Variants in COL4A2 observed in about 807,000 individuals in gnomAD.
The protein encoded by COL4A2 is collagen alpha-2(IV) chain.
Under a neutral mutation model 200.2 loss-of-function variants are expected in COL4A2, and 99 were observed. The ratio of observed to expected loss-of-function variants is 0.49; its 90% CI spans 0.42 to 0.58. The LOEUF (loss-of-function observed/expected upper bound fraction) is 0.58, where lower values mean the gene tolerates loss of function less well. Among genes scored for constraint, COL4A2 ranks in the 20% least tolerant of loss-of-function variants. The pLI, the probability that COL4A2 is intolerant of heterozygous loss-of-function variation, is 0.00. For synonymous variants in COL4A2, 897 were observed against 900.6 expected (o/e 1.00, Z 0.07); for missense variants, 1,950 against 2,314.1 (o/e 0.84, Z 3.23).
At chr13:110,503,817 T>C in intron 43 of COL4A2, 30 bp from the exon 44 acceptor site, 1 of 1,613,666 alleles carries the variant, frequency 6.2e-7, no homozygotes, top group Non-Finnish European at 8.5e-7. Context: ...ACCTTGTGTG[T>C]TTACTGGGGC....
intron 4 of COL4A2, among the ~76,000 whole-genome samples, chr13:110,369,412 T>C (rs4773172): frequency 0.99 from 151,280 of 152,258 alleles, 75,163 homozygotes; most frequent in South Asian, 1. Flanking sequence ...CCAGTAAGTA[T>C]GTGCAGATAT....
In COL4A2 at chr13:110,323,260, C is replaced by A. The variant is rs140014080; in HGVS notation, c.99+15137C>A. On this transcript the variant is annotated intron_variant, in intron 3 of 47. Transcript: ENST00000360467. ...TTCCTATGACTGGACATCAGAGGCC[C>A]ACTGGTGACTCTGGAATTTCTGTTG... is the stretch of plus-strand genomic sequence containing the variant. Among the ~76,000 whole-genome samples the A allele has an allele frequency of 4.6e-5, 7 of 152,266 alleles. No individual in the cohort carries two copies. In the East Asian group the frequency reaches 1.4e-3, roughly 29 times the overall value.
intron 4 of COL4A2, among the ~76,000 whole-genome samples, chr13:110,420,543 G>A (rs1179830984): frequency 2.6e-5 from 4 of 152,138 alleles, no homozygotes; most frequent in Non-Finnish European, 2.9e-5. Flanking sequence ...AAATTTAGGA[G>A]CTTTTGAGAT....
rs1251540760 is a variant in COL4A2 at position 110,385,902 on chromosome 13, G to A, written c.180+28350G>A. On this transcript the variant is annotated intron_variant, in intron 4 of 47. Transcript: ENST00000360467. Reference sequence around the variant, plus strand: ...CGTGGTTACAGCGTGTGGATAGGCCGTGGTTACAGCGTGTGGATGGGCCGT... The same window carrying A: ...CGTGGTTACAGCGTGTGGATAGGCCATGGTTACAGCGTGTGGATGGGCCGT... 9.2e-5 allele frequency among the ~76,000 whole-genome samples: 11 copies of A among 119,400 alleles called. 2 individuals carry two copies. Among genetic ancestry groups the A allele is most frequent in the Admixed American group, 2.7e-4 (3 of 11,196 alleles). The allele number at this position is 119,400 out of a possible 152,430, so 78.3% of individuals were successfully genotyped here.
At chr13:110,486,281 G>C (rs1207793222) in intron 34 of COL4A2, among the ~76,000 whole-genome samples, 2 of 152,166 alleles carry the variant, frequency 1.3e-5, no homozygotes, top group Non-Finnish European at 2.9e-5. Flanking sequence ...TTGAGCACTT[G>C]ACATGGGCCA....
rs867577732 is a variant in COL4A2 at position 110,450,199 on chromosome 13, G to T, written c.1190-106G>T. 4 of 906,396 alleles carry T rather than the reference G, an allele frequency of 4.4e-6. No individual in the cohort carries two copies. The Admixed American group carries it at 6.5e-5, about 15-fold the overall frequency. The allele number at this position is 906,396 out of a possible 1,614,324, so 56.1% of individuals were successfully genotyped here. Reference sequence around the variant, plus strand: ...TCTACCCATCGGAGTTATTGACGGGGCCATGAAGCCCGCTAGTGCCCCAGT... The same window carrying T: ...TCTACCCATCGGAGTTATTGACGGGTCCATGAAGCCCGCTAGTGCCCCAGT... On this transcript the variant is annotated intron_variant, in intron 19 of 47. Coordinates refer to ENST00000360467, the MANE Select transcript of COL4A2 (RefSeq NM_001846.4).
At chr13:110,457,583 T>C (rs1233818422) in intron 21 of COL4A2, 148 bp downstream of exon 21, 1 of 706,158 alleles carries the variant, frequency 1.4e-6, no homozygotes, top group East Asian at 2.8e-5. Flanking sequence ...CCCTTGGCGG[T>C]GGCACTGAGA....
chr13:110,446,991 T>TA lies in COL4A2; in HGVS notation c.1078+135dup, dbSNP rs35275552. ...CCTAAAACTTAAAGTATAATAATAA[T>TA]AAAAAAAATAAAAAATAAACCACGA... is the stretch of plus-strand genomic sequence containing the variant. On this transcript the variant is annotated intron_variant, in intron 18 of 47. Coordinates refer to ENST00000360467, the MANE Select transcript of COL4A2 (RefSeq NM_001846.4). 331,309 of 484,746 alleles carry TA rather than the reference T, an allele frequency of 0.68. 115,189 individuals carry two copies. Among genetic ancestry groups the TA allele is most frequent in the Non-Finnish European group, 0.73 (220,850 of 304,558 alleles). The allele number at this position is 484,746 out of a possible 1,614,324, so 30.0% of individuals were successfully genotyped here.
chr13:110,323,403 C>G (rs1885325859), intron 3 of COL4A2, among the ~76,000 whole-genome samples: 1 of 152,218 alleles, frequency 6.6e-6, no homozygotes, highest in African/African-American at 2.4e-5. Flanking sequence ...AGGGCCCCCC[C>G]TGTGGAAGCT....
rs560095887 is a variant in COL4A2 at position 110,479,040 on chromosome 13, G to C, written c.2587+876G>C. On this transcript the variant is annotated intron_variant, in intron 30 of 47. Coordinates refer to ENST00000360467, the MANE Select transcript of COL4A2 (RefSeq NM_001846.4). ...CCTCGCCTGTGTCCAAGAGCTGGGGGCTGGACTCAGGTAGGGCCCGCTCCC... is the reference window on the plus strand; with the variant it reads ...CCTCGCCTGTGTCCAAGAGCTGGGGCCTGGACTCAGGTAGGGCCCGCTCCC... Among the ~76,000 whole-genome samples, 13 of 152,320 alleles carry C rather than the reference G, an allele frequency of 8.5e-5. No homozygotes were observed. The South Asian group carries it at 1.5e-3, about 17-fold the overall frequency.
intron 12 of COL4A2, among the ~76,000 whole-genome samples, chr13:110,435,216 A>G (rs9515212): frequency 0.35 from 53,683 of 152,128 alleles, 9,911 homozygotes; most frequent in Non-Finnish European, 0.42. Flanking sequence ...GACAATTAGC[A>G]AGCAGTGGGC....
intron 4 of COL4A2, among the ~76,000 whole-genome samples, chr13:110,362,370 G>T (rs1877555068): frequency 6.6e-6 from 1 of 152,118 alleles, no homozygotes; most frequent in Non-Finnish European, 1.5e-5. Context: ...CACCAAACAA[G>T]GTGCCCGCCC....
chr13:110,340,802 G>T (rs139739723), intron 3 of COL4A2, among the ~76,000 whole-genome samples: 1 of 152,252 alleles, frequency 6.6e-6, no homozygotes, highest in Non-Finnish European at 1.5e-5. Context: ...CTTGCTTCAG[G>T]CTCTGCATGT....
At position 110,308,127 on chromosome 13, in the gene COL4A2, A is replaced by G. The variant is rs200428476; in HGVS notation, c.99+4A>G. The G allele has an allele frequency of 5.4e-4, 867 of 1,613,410 alleles. 1 individual carries two copies. Among genetic ancestry groups the G allele is most frequent in the Non-Finnish European group, 6.9e-4 (817 of 1,179,954 alleles). Reference sequence around the variant, plus strand: ...CCTCGCCCAGAGCGTCTTGGCGGTAAGTCCTGGCTCCCGCGCTTGGACTTG... The same window carrying G: ...CCTCGCCCAGAGCGTCTTGGCGGTAGGTCCTGGCTCCCGCGCTTGGACTTG... On this transcript the variant is annotated splice_donor_region_variant and intron_variant, in intron 3 of 47. Coordinates refer to ENST00000360467, the MANE Select transcript of COL4A2 (RefSeq NM_001846.4).
intron 4 of COL4A2, among the ~76,000 whole-genome samples, chr13:110,377,757 A>T (rs1375820154): frequency 7.9e-5 from 12 of 152,238 alleles, no homozygotes; most frequent in Admixed American, 5.9e-4. Context: ...TAATAGAAAA[A>T]CATGTTAAAG....
chr13:110,401,563 C>T (rs1879370578), intron 4 of COL4A2, among the ~76,000 whole-genome samples: 1 of 152,190 alleles, frequency 6.6e-6, no homozygotes, highest in South Asian at 2.1e-4. Flanking sequence ...TCATTGCTTT[C>T]TAAGTAGCTT....
chr13:110,353,276 G>T (rs1044710254), intron 3 of COL4A2, among the ~76,000 whole-genome samples: 1 of 152,210 alleles, frequency 6.6e-6, no homozygotes, highest in East Asian at 1.9e-4. Flanking sequence ...TTCATGAAGG[G>T]GGTGAGCAGA....
chr13:110,410,900 G>C (rs1021681405), intron 4 of COL4A2, among the ~76,000 whole-genome samples: 4 of 152,064 alleles, frequency 2.6e-5, no homozygotes, highest in Non-Finnish European at 4.4e-5. Context: ...TTGACTGCAC[G>C]GGGCTCCAAA....
intron 10 of COL4A2, among the ~76,000 whole-genome samples, chr13:110,431,953 C>T (rs1880696152): frequency 6.6e-6 from 1 of 152,186 alleles, no homozygotes; most frequent in Non-Finnish European, 1.5e-5. Context: ...AGGAAGAAGT[C>T]CTGCATGGAG....
Sources: allele counts gnomAD v4.1 joint callset (sites outside exome capture counted in the v4.1 genomes callset), GRCh38; gene constraint gnomAD v4.1.1; transcripts MANE v1.5; gene names NCBI Gene and HGNC (gene_info 2026-07-23, HGNC 2026-07-21).